The following PDE7B variants were observed in gnomAD, a reference collection of about 807,000 sequenced individuals.
The protein encoded by PDE7B is phosphodiesterase 7B.
Under a neutral mutation model 56.2 loss-of-function variants are expected in PDE7B, and 29 were observed. That is an observed-to-expected ratio of 0.52 (90% confidence interval 0.38 to 0.70). The LOEUF (loss-of-function observed/expected upper bound fraction) is 0.70. PDE7B is among the 30% of genes least tolerant of loss of function. The probability of loss-of-function intolerance (pLI) is 0.00; values close to 1 mark genes in which losing one functional copy is unlikely to be tolerated. For missense variants in PDE7B, 490 were observed against 565.0 expected (o/e 0.87, Z 1.35); for synonymous variants, 197 against 196.9 (o/e 1.00, Z 0.00).
chr6:136,151,403 G>T, intron 6 of PDE7B, 148 bp downstream of exon 6: 1 of 541,970 alleles, frequency 1.8e-6, no homozygotes. Flanking sequence ...TTTAAAATAT[G>T]GCTTGTTCAT....
At chr6:136,190,603 TG>T (rs1446600711) in intron 12 of PDE7B, among the ~76,000 whole-genome samples, 2 of 152,226 alleles carry the variant, frequency 1.3e-5, no homozygotes, top group African/African-American at 4.8e-5. Flanking sequence ...AAGTTTGTGA[TG>T]ATTCCAACAG....
intron 1 of PDE7B, among the ~76,000 whole-genome samples, chr6:135,926,646 C>T (rs1774196867): frequency 1.3e-5 from 2 of 152,006 alleles, no homozygotes; most frequent in Non-Finnish European, 2.9e-5. Flanking sequence ...TTATGACCTC[C>T]TTCAGGAGAG....
chr6:135,979,361 G>T lies in PDE7B; in HGVS notation c.82+31837G>T, dbSNP rs561518831. 1.0e-3 allele frequency among the ~76,000 whole-genome samples: 156 copies of T among 151,722 alleles called. 3 individuals are homozygous for T. The highest frequency in any genetic ancestry group is 3.6e-3 in the African/African-American group (149 of 41,086). The stretch of plus-strand genomic sequence containing the variant: ...CCCTTTTGTGGTTGTGTCTCTGCCC[G>T]GCTTTGGTATCAGGATGATGCTGGC... On this transcript the variant is annotated intron_variant, in intron 2 of 12. Coordinates refer to ENST00000308191, the MANE Select transcript of PDE7B (RefSeq NM_018945.4).
At chr6:136,158,212 G>A (rs993116178) in intron 8 of PDE7B, among the ~76,000 whole-genome samples, 2 of 152,144 alleles carry the variant, frequency 1.3e-5, no homozygotes, top group African/African-American at 2.4e-5. Flanking sequence ...GGCTTTCAGG[G>A]AGCTATTTGC....
chr6:136,192,086 C>A lies in PDE7B; in HGVS notation c.*246C>A, dbSNP rs1274122883. On this transcript the variant is annotated 3_prime_UTR_variant, in exon 13 of 13. Coordinates refer to ENST00000308191, the MANE Select transcript of PDE7B (RefSeq NM_018945.4). ...TTCAGTAACGTGGGAGCTGATCCCA[C>A]GGGCAGGCTCTCCCTGCTCCAGGAG... 5.8e-6 allele frequency: 3 copies of A among 519,140 alleles called. No homozygotes were observed. The highest frequency in any genetic ancestry group is 5.3e-4 in the Middle Eastern group (1 of 1,904). 32.2% of individuals were successfully genotyped at this position (519,140 alleles called of 1,614,324 possible). A position where few individuals can be genotyped will look rare whatever the true frequency, so the allele number is the denominator to read the frequency against.
intron 2 of PDE7B, among the ~76,000 whole-genome samples, chr6:135,975,987 G>T (rs1329472815): frequency 2.6e-5 from 4 of 152,150 alleles, no homozygotes; most frequent in Admixed American, 6.6e-5. Context: ...ACTCCTAGGT[G>T]ATTCTTTACA....
chr6:136,040,328 G>A (rs569355282), intron 2 of PDE7B, among the ~76,000 whole-genome samples: 2 of 152,262 alleles, frequency 1.3e-5, no homozygotes, highest in African/African-American at 4.8e-5. Context: ...GGGAGATGAG[G>A]GCTCATCCTT....
At chr6:135,934,762 AATAT>A (rs1232831738) in intron 1 of PDE7B, among the ~76,000 whole-genome samples, 2 of 80,852 alleles carry the variant, frequency 2.5e-5, no homozygotes, top group African/African-American at 4.0e-5. Flanking sequence ...ATATTTTTTA[AATAT>A]ATATATATAT....
Position 136,190,380 on chromosome 6 carries a change from T to C in PDE7B, c.1127-1234T>C, listed in dbSNP as rs566818753. ...AATGCAGAAATGTACAATAACAGTG[T>C]GTATTGCTGCATCCCTCTTCCATCT... On this transcript the variant is annotated intron_variant, in intron 12 of 12. Transcript: ENST00000308191. Among the ~76,000 whole-genome samples the C allele has an allele frequency of 1.4e-3, 209 of 152,300 alleles. 1 individual carries two copies. Among genetic ancestry groups the C allele is most frequent in the Middle Eastern group, 0.014 (4 of 294 alleles).
At chr6:136,176,806 A>G (rs1778985478) in intron 9 of PDE7B, among the ~76,000 whole-genome samples, 1 of 152,190 alleles carries the variant, frequency 6.6e-6, no homozygotes, top group Non-Finnish European at 1.5e-5. Context: ...GGGTATTACA[A>G]TCTTTCAATA....
At chr6:136,123,873 T>C (rs1777978435) in intron 3 of PDE7B, among the ~76,000 whole-genome samples, 1 of 152,222 alleles carries the variant, frequency 6.6e-6, no homozygotes, top group Admixed American at 6.5e-5. Context: ...AGTGGGTTTT[T>C]ATTTCAGCTG....
chr6:135,960,959 T>C (rs1027564425), intron 2 of PDE7B, among the ~76,000 whole-genome samples: 5 of 152,334 alleles, frequency 3.3e-5, no homozygotes, highest in Middle Eastern at 3.4e-3. Flanking sequence ...GTCACAGCTC[T>C]TGGGCTAAAC....
intron 2 of PDE7B, among the ~76,000 whole-genome samples, chr6:136,039,687 G>C (rs1300248664): frequency 6.6e-6 from 1 of 152,178 alleles, no homozygotes; most frequent in African/African-American, 2.4e-5. Flanking sequence ...GAGTCCTTGA[G>C]TACATAGGAA....
intron 2 of PDE7B, chr6:136,096,298 G>A (rs560968256): frequency 4.6e-5 from 7 of 152,094 alleles, no homozygotes; most frequent in African/African-American, 1.2e-4. Flanking sequence ...CCTTGTTCCC[G>A]GCCAGAATCA....
rs145689963 is a variant in PDE7B at position 135,958,621 on chromosome 6, G to A, written c.82+11097G>A. Reference sequence around the variant, plus strand: ...AAATTTTCAGAATGAGACAAATTACGTGTATTACAAAGGATGCACAAGAAC... The same window carrying A: ...AAATTTTCAGAATGAGACAAATTACATGTATTACAAAGGATGCACAAGAAC... On this transcript the variant is annotated intron_variant, in intron 2 of 12. Coordinates refer to ENST00000308191, the MANE Select transcript of PDE7B (RefSeq NM_018945.4). Among the ~76,000 whole-genome samples, 562 of 152,098 alleles carry A rather than the reference G, an allele frequency of 3.7e-3. 18 individuals carry two copies. Among genetic ancestry groups the A allele is most frequent in the Admixed American group, 0.034 (523 of 15,266 alleles).
At chr6:136,031,747 A>AC (rs1562474550) in intron 2 of PDE7B, among the ~76,000 whole-genome samples, 2 of 151,524 alleles carry the variant, frequency 1.3e-5, no homozygotes, top group African/African-American at 4.9e-5. Context: ...TCAAAAAAAA[A>AC]AAAAAAAAAA....
chr6:135,907,090 TC>T (rs11292475), intron 1 of PDE7B, among the ~76,000 whole-genome samples: 29,936 of 151,892 alleles, frequency 0.2, 4,015 homozygotes, highest in African/African-American at 0.38. Context: ...TGTTCCTACA[TC>T]CAGGAAATCT....
At chr6:135,993,473 G>T (rs746618791) in intron 2 of PDE7B, among the ~76,000 whole-genome samples, 2 of 152,124 alleles carry the variant, frequency 1.3e-5, no homozygotes, top group African/African-American at 4.8e-5. Flanking sequence ...TGACTCTAAC[G>T]TTCAGCCAGG....
rs542258953 is a variant in PDE7B, at chr6:136,195,105, C to T, written c.*3265C>T. ...AGAGAGAATACATATCACTGCCAGG[C>T]CTGATAGGAAAAATCTGCTCTTCCT... On this transcript the variant is annotated 3_prime_UTR_variant, in exon 13 of 13. Coordinates refer to ENST00000308191, the MANE Select transcript of PDE7B (RefSeq NM_018945.4). 4 of 152,196 alleles carry T rather than the reference C, an allele frequency of 2.6e-5. No homozygotes were observed. The East Asian group carries it at 7.7e-4, about 29-fold the overall frequency. The allele number at this position is 152,196 out of a possible 1,614,324, so 9.4% of individuals were successfully genotyped here.
Sources: allele counts gnomAD v4.1 joint callset (sites outside exome capture counted in the v4.1 genomes callset), GRCh38; gene constraint gnomAD v4.1.1; transcripts MANE v1.5; gene names NCBI Gene and HGNC (gene_info 2026-07-23, HGNC 2026-07-21).